The following TLN2 variants were observed in gnomAD, a reference collection of about 807,000 sequenced individuals.
TLN2 encodes the protein talin-2.
Under a neutral mutation model 294.7 loss-of-function variants are expected in TLN2, and 118 were observed. The observed-to-expected ratio is 0.40, with a 90% CI of 0.34 to 0.47. The LOEUF (loss-of-function observed/expected upper bound fraction) is 0.47, where lower values mean the gene tolerates loss of function less well. TLN2 is among the 20% of genes least tolerant of loss of function. TLN2 has a pLI of 0.84. For synonymous variants in TLN2, 1,431 were observed against 1,304.5 expected (o/e 1.10, Z -2.09); for missense variants, 3,083 against 3,282.2 (o/e 0.94, Z 1.48).
intron 1 of TLN2, among the ~76,000 whole-genome samples, chr15:62,578,709 G>T (rs181939947): frequency 4.6e-5 from 7 of 152,150 alleles, no homozygotes; most frequent in African/African-American, 1.4e-4. Context: ...ATGTGGGGAG[G>T]GGGGTAAAGT....
rs542524967 is a variant in TLN2 at position 62,708,797 on chromosome 15, G to T, written c.2467+1G>T. 1 of 1,599,298 alleles carries T rather than the reference G, an allele frequency of 6.3e-7. No homozygotes were observed. The highest frequency in any genetic ancestry group is 1.3e-5 in the African/African-American group (1 of 74,962). On this transcript the variant is annotated splice_donor_variant, in intron 21 of 58. Transcript: ENST00000636159. LOFTEE classifies it high-confidence loss of function. ...ATCTTCAGCTCCATGGGTGACGCTG[G>T]TAAGGCACTGTGCTGTGGGTGGGTG...
chr15:62,505,826 G>A (rs1013578585), intron 1 of TLN2, among the ~76,000 whole-genome samples: 1 of 152,160 alleles, frequency 6.6e-6, no homozygotes, highest in African/African-American at 2.4e-5. Flanking sequence ...CTGCCTCTAT[G>A]ATGGGGGGCG....
At chr15:62,766,852 C>T (rs551641799) in intron 41 of TLN2, among the ~76,000 whole-genome samples, 1 of 152,310 alleles carries the variant, frequency 6.6e-6, no homozygotes, top group South Asian at 2.1e-4. Flanking sequence ...AGTGTCTACT[C>T]TTAGACATAA....
chr15:62,518,717 C>A (rs72475937), intron 1 of TLN2, among the ~76,000 whole-genome samples: 19,761 of 152,008 alleles, frequency 0.13, 2,054 homozygotes, highest in East Asian at 0.57. Flanking sequence ...CCTACCTCAG[C>A]CTTCCCAGTA....
In TLN2 at chr15:62,800,676, G is replaced by A. The variant is rs199830852; in HGVS notation, c.6384G>A (p.Ser2128=). The A allele has an allele frequency of 1.1e-5, 18 of 1,614,136 alleles. No homozygotes were observed. Among genetic ancestry groups the A allele is most frequent in the African/African-American group, 6.7e-5 (5 of 75,036 alleles). Residue 2128 remains serine (S), a synonymous_variant, in exon 50 of 59, where the codon TCG becomes TCA. Transcript: ENST00000636159. ...AAKVMVTNVT[S]LLKTVKAVED... is the part of the protein sequence containing the mutation. Reference sequence around the variant, plus strand: ...AGGTGATGGTGACCAATGTCACCTCGCTCCTCAAGACTGTAAAGGCAGTGG... The same window carrying A: ...AGGTGATGGTGACCAATGTCACCTCACTCCTCAAGACTGTAAAGGCAGTGG...
chr15:62,744,835 C>T (rs745323383), intron 32 of TLN2, among the ~76,000 whole-genome samples: 1 of 152,186 alleles, frequency 6.6e-6, no homozygotes, highest in Non-Finnish European at 1.5e-5. Flanking sequence ...CGTGAGTCAC[C>T]GCGCCTGGCC....
chr15:62,478,311 C>T (rs1226001172), intron 1 of TLN2, among the ~76,000 whole-genome samples: 2 of 152,092 alleles, frequency 1.3e-5, no homozygotes, highest in South Asian at 2.1e-4. Context: ...CAGCTAGTGG[C>T]GAGATGGGGT....
At chr15:62,779,618 C>T (rs765863980) in intron 43 of TLN2, among the ~76,000 whole-genome samples, 15 of 152,242 alleles carry the variant, frequency 9.9e-5, no homozygotes, top group Non-Finnish European at 2.1e-4. Flanking sequence ...TCAGCTCCAG[C>T]ATCCTGGCAT....
intron 1 of TLN2, among the ~76,000 whole-genome samples, chr15:62,579,425 T>C (rs980243957): frequency 3.9e-5 from 6 of 152,222 alleles, no homozygotes; most frequent in South Asian, 2.1e-4. Context: ...GCATTATGTA[T>C]ACCTGAGTAT....
chr15:62,438,685 A>G (rs1197402193), intron 1 of TLN2, among the ~76,000 whole-genome samples: 2 of 152,206 alleles, frequency 1.3e-5, no homozygotes, highest in Non-Finnish European at 2.9e-5. Flanking sequence ...CTGAGACCAT[A>G]TAAAACCCCT....
intron 1 of TLN2, among the ~76,000 whole-genome samples, chr15:62,515,916 C>T (rs950247032): frequency 2.0e-5 from 3 of 152,180 alleles, no homozygotes; most frequent in South Asian, 2.1e-4. Flanking sequence ...TGGCATGTCC[C>T]GCTGTGCAGT....
intron 1 of TLN2, among the ~76,000 whole-genome samples, chr15:62,588,665 CATATATATATATAT>C (rs3055752): frequency 0.016 from 1,173 of 71,442 alleles, 26 homozygotes; most frequent in African/African-American, 0.036. Context: ...ACATTTTTTT[CATATATATATATAT>C]ATATATATAT....
intron 31 of TLN2, among the ~76,000 whole-genome samples, chr15:62,739,965 C>T (rs1330428112): frequency 1.3e-5 from 2 of 151,958 alleles, no homozygotes; most frequent in African/African-American, 4.8e-5. Flanking sequence ...AAAATTACCT[C>T]CTTCAGATGA....
At chr15:62,806,716 C>T (rs1001012213) in intron 51 of TLN2, among the ~76,000 whole-genome samples, 1 of 152,170 alleles carries the variant, frequency 6.6e-6, no homozygotes, top group Non-Finnish European at 1.5e-5. Flanking sequence ...AGAGCCCCCA[C>T]CCTAGGCCTT....
chr15:62,801,346 G>T (rs896065461), intron 50 of TLN2, among the ~76,000 whole-genome samples: 6 of 152,214 alleles, frequency 3.9e-5, no homozygotes, highest in African/African-American at 1.4e-4. Flanking sequence ...TTACTGCAAT[G>T]TGGATGATAT....
chr15:62,644,098 CA>C (rs2051513105), intron 3 of TLN2, among the ~76,000 whole-genome samples: 1 of 152,046 alleles, frequency 6.6e-6, no homozygotes, highest in Non-Finnish European at 1.5e-5. Flanking sequence ...CCTGCTGGGC[CA>C]CCCCTCTCTT....
intron 46 of TLN2, 78 bp from the exon 47 acceptor site, chr15:62,796,049 T>G (rs1354843164): frequency 6.5e-7 from 1 of 1,536,910 alleles, no homozygotes; most frequent in Non-Finnish European, 8.8e-7. Flanking sequence ...AGGAGAGAAT[T>G]CATTATTTTC....
chr15:62,571,227 C>T (rs988395658), intron 1 of TLN2, among the ~76,000 whole-genome samples: 4 of 152,292 alleles, frequency 2.6e-5, no homozygotes, highest in Admixed American at 6.5e-5. Context: ...TGCGTTATTC[C>T]TCAGCCAGGC....
intron 50 of TLN2, among the ~76,000 whole-genome samples, chr15:62,802,939 A>C (rs951952274): frequency 1.3e-5 from 2 of 152,062 alleles, no homozygotes; most frequent in Admixed American, 1.3e-4. Flanking sequence ...TTCCTATAGA[A>C]TTGTTTGAGC....
Sources: allele counts gnomAD v4.1 joint callset (sites outside exome capture counted in the v4.1 genomes callset), GRCh38; gene constraint gnomAD v4.1.1; transcripts MANE v1.5; gene names NCBI Gene and HGNC (gene_info 2026-07-23, HGNC 2026-07-21).